The following PDIA5 variants were observed in gnomAD, a reference collection of about 807,000 sequenced individuals.
PDIA5 encodes the protein protein disulfide-isomerase A5.
PDIA5 carries 58 observed loss-of-function variants against 77.6 expected under a neutral mutation model. That is an observed-to-expected ratio of 0.75 (90% CI 0.61 to 0.93). PDIA5 has a LOEUF of 0.93. Ranked by LOEUF, PDIA5 falls within the 40% of genes least tolerant of loss-of-function variation. The pLI is 0.00. For synonymous variants in PDIA5, 250 were observed against 252.1 expected, an observed-to-expected ratio of 0.99 and a Z score of 0.08; for missense variants, 630 against 647.7, an observed-to-expected ratio of 0.97 and a Z score of 0.30.
chr3:123,121,013 C>G (rs1935102816), intron 8 of PDIA5, among the ~76,000 whole-genome samples: 1 of 152,162 alleles, frequency 6.6e-6, no homozygotes, highest in African/African-American at 2.4e-5. Flanking sequence ...TACTTAGAAA[C>G]CCTCGGGAGC....
intron 1 of PDIA5, among the ~76,000 whole-genome samples, chr3:123,073,098 C>A (rs866259231): frequency 6.6e-6 from 1 of 152,222 alleles, no homozygotes; most frequent in African/African-American, 2.4e-5. Flanking sequence ...GATCTGTTGG[C>A]AGAATTGTCA....
Position 123,089,195 on chromosome 3 carries a change from G to C in PDIA5, c.70G>C (p.Ala24Pro), listed in dbSNP as rs752562236. Residue 24 changes from alanine (A) to proline (P), a missense_variant, in exon 2 of 17, where the codon GCA becomes CCA. Transcript: ENST00000316218. ...GGTCCTGCCATCATGGCTGTCCTCT[G>C]CAAAGGTCTCCTCGCTCATTGAGAG... ...WVVLPSWLSS[A>P]KVSSLIERIS... 3.1e-6 allele frequency: 5 copies of C among 1,613,998 alleles called. No individual in the cohort carries two copies. The highest frequency in any genetic ancestry group is 2.5e-6 in the Non-Finnish European group (3 of 1,179,898).
intron 3 of PDIA5, among the ~76,000 whole-genome samples, chr3:123,098,674 A>G (rs1467615711): frequency 6.6e-6 from 1 of 151,732 alleles, no homozygotes; most frequent in Non-Finnish European, 1.5e-5. Flanking sequence ...GCTGGAGCAG[A>G]TCAGTGGCCT....
intron 8 of PDIA5, among the ~76,000 whole-genome samples, chr3:123,122,063 C>G (rs1388621844): frequency 6.6e-6 from 1 of 152,180 alleles, no homozygotes; most frequent in African/African-American, 2.4e-5. Context: ...AATAAAAAAT[C>G]TAGACCCTAA....
chr3:123,150,206 G>C lies in PDIA5; in HGVS notation c.1143-28G>C, dbSNP rs11720885. The C allele has an allele frequency of 2.5e-6, 4 of 1,580,832 alleles. No individual in the cohort carries two copies. In the Admixed American group the frequency reaches 7.1e-5, roughly 28 times the overall value. On this transcript the variant is annotated intron_variant, in intron 13 of 16. Coordinates refer to ENST00000316218, the MANE Select transcript of PDIA5 (RefSeq NM_006810.4). ...CATCTAAAAATCTCTCCTTATGGCT[G>C]CCTCCCCACTCCCCTGGCTTCTTGC... is the stretch of plus-strand genomic sequence containing the variant.
Position 123,143,091 on chromosome 3 carries a change from G to C in PDIA5, c.911-2431G>C, listed in dbSNP as rs115242749. On this transcript the variant is annotated intron_variant, in intron 11 of 16. Transcript: ENST00000316218. The stretch of plus-strand genomic sequence containing the variant: ...AAAAACCTCAGGTCCCACCTTTAGA[G>C]AGTCACCATCTGGGGCTGGGCATGG... Among the ~76,000 whole-genome samples, 1,517 of 152,208 alleles carry C rather than the reference G, an allele frequency of 1.0e-2. 32 individuals are homozygous for C. The highest frequency in any genetic ancestry group is 0.034 in the African/African-American group (1,401 of 41,540).
chr3:123,121,253 A>G (rs999092075), intron 8 of PDIA5, among the ~76,000 whole-genome samples: 2 of 152,158 alleles, frequency 1.3e-5, no homozygotes, highest in African/African-American at 2.4e-5. Flanking sequence ...CTCTGAGTGC[A>G]AGCTCACATG....
chr3:123,070,286 G>C (rs1933689408), intron 1 of PDIA5, among the ~76,000 whole-genome samples: 1 of 152,130 alleles, frequency 6.6e-6, no homozygotes, highest in Non-Finnish European at 1.5e-5. Flanking sequence ...CAAATCTGAG[G>C]GTGGCTGAAG....
chr3:123,078,176 C>T (rs183135187), intron 1 of PDIA5, among the ~76,000 whole-genome samples: 13 of 152,228 alleles, frequency 8.5e-5, no homozygotes, highest in Admixed American at 8.5e-4. Context: ...GTATGTGTTG[C>T]GTGCCAAGTA....
intron 1 of PDIA5, among the ~76,000 whole-genome samples, chr3:123,068,618 T>C (rs1479931752): frequency 6.6e-6 from 1 of 152,206 alleles, no homozygotes; most frequent in African/African-American, 2.4e-5. Context: ...CTTTCCTCCC[T>C]TTCCCCTCCC....
At chr3:123,111,804 A>G (rs899172955) in intron 7 of PDIA5, among the ~76,000 whole-genome samples, 2 of 152,278 alleles carry the variant, frequency 1.3e-5, no homozygotes, top group Non-Finnish European at 2.9e-5. Flanking sequence ...AAAGTTTCGC[A>G]AAACCACTCT....
Position 123,111,009 on chromosome 3 carries a change from G to A in PDIA5, c.541+5G>A. 1.2e-6 allele frequency: 2 copies of A among 1,612,048 alleles called. No individual in the cohort carries two copies. The highest frequency in any genetic ancestry group is 1.7e-6 in the Non-Finnish European group (2 of 1,178,372). ...TGATCATGTTTTATGCCCCCTGTGA[G>A]TGAACTTTCTCCCTTGGGCCAGAGC... On this transcript the variant is annotated splice_donor_5th_base_variant and intron_variant, in intron 7 of 16. Transcript: ENST00000316218.
chr3:123,088,090 C>G (rs1179712856), intron 1 of PDIA5, among the ~76,000 whole-genome samples: 38 of 152,198 alleles, frequency 2.5e-4, no homozygotes, highest in Non-Finnish European at 4.4e-5. Context: ...TCCTCCCACC[C>G]TCTGCCGGGT....
intron 11 of PDIA5, among the ~76,000 whole-genome samples, chr3:123,135,649 A>G (rs947102059): frequency 7.4e-6 from 1 of 134,696 alleles, no homozygotes; most frequent in Non-Finnish European, 1.7e-5. Flanking sequence ...TTCTCAAAGC[A>G]ATATATAACC....
intron 13 of PDIA5, among the ~76,000 whole-genome samples, chr3:123,147,395 G>A (rs376817622): frequency 2.0e-5 from 3 of 152,290 alleles, no homozygotes; most frequent in African/African-American, 7.2e-5. Context: ...ATCAACATAT[G>A]AATTAGAGGG....
intron 12 of PDIA5, 72 bp from the exon 13 acceptor site, chr3:123,146,027 G>A (rs550050048): frequency 3.3e-5 from 48 of 1,454,346 alleles, no homozygotes; most frequent in East Asian, 4.5e-5. Context: ...TGGGGGCAGC[G>A]TCTGGGCTCC....
At position 123,067,475 on chromosome 3, in the gene PDIA5, C is replaced by T. The variant is rs984427210; in HGVS notation, c.42+269C>T. 7.0e-5 allele frequency: 27 copies of T among 384,900 alleles called. No individual in the cohort carries two copies. In the Admixed American group the frequency reaches 9.0e-4, roughly 13 times the overall value. 23.8% of individuals were successfully genotyped at this position (384,900 alleles called of 1,614,324 possible). ...CCCTGGCAGGGTGCTTACGCCACGGCCACAACTTTGCGGGGATGCAGGTCG... is the reference window on the plus strand; with the variant it reads ...CCCTGGCAGGGTGCTTACGCCACGGTCACAACTTTGCGGGGATGCAGGTCG... On this transcript the variant is annotated intron_variant, in intron 1 of 16. Transcript: ENST00000316218.
chr3:123,077,586 CAAT>C (rs1290150478), intron 1 of PDIA5, among the ~76,000 whole-genome samples: 1 of 149,004 alleles, frequency 6.7e-6, no homozygotes, highest in Non-Finnish European at 1.5e-5. Flanking sequence ...ACACACACAA[CAAT>C]ATCACCACCA....
At chr3:123,132,905 C>A (rs925610438) in intron 11 of PDIA5, among the ~76,000 whole-genome samples, 3 of 152,068 alleles carry the variant, frequency 2.0e-5, no homozygotes, top group African/African-American at 7.2e-5. Context: ...CATGGTTGTG[C>A]GCATGTGGGT....
Sources: allele counts gnomAD v4.1 joint callset (sites outside exome capture counted in the v4.1 genomes callset), GRCh38; gene constraint gnomAD v4.1.1; transcripts MANE v1.5; gene names NCBI Gene and HGNC (gene_info 2026-07-23, HGNC 2026-07-21).